The following ADAM23 variants were observed in gnomAD, a reference collection of about 807,000 sequenced individuals.
ADAM23 encodes the protein disintegrin and metalloproteinase domain-containing protein 23.
A neutral mutation model predicts 120.1 loss-of-function variants in ADAM23; 33 were observed. The observed-to-expected ratio is 0.27, with a 90% CI of 0.21 to 0.37. ADAM23 has a LOEUF of 0.37. Among genes scored for constraint, ADAM23 ranks in the 10% least tolerant of loss-of-function variants. The probability of loss-of-function intolerance (pLI) is 1.00; values close to 1 mark genes in which losing one functional copy is unlikely to be tolerated. For synonymous variants in ADAM23, 367 were observed against 375.2 expected (o/e 0.98, Z 0.25); for missense variants, 862 against 1,058.2 (o/e 0.81, Z 2.57).
intron 3 of ADAM23, among the ~76,000 whole-genome samples, chr2:206,493,900 G>A (rs1351096119): frequency 6.6e-6 from 1 of 152,172 alleles, no homozygotes; most frequent in Non-Finnish European, 1.5e-5. Context: ...GGATCTCACA[G>A]CATAAGAATA....
intron 9 of ADAM23, among the ~76,000 whole-genome samples, chr2:206,553,455 A>G (rs762807370): frequency 6.6e-6 from 1 of 152,106 alleles, no homozygotes; most frequent in Non-Finnish European, 1.5e-5. Flanking sequence ...GAAAGCTTTT[A>G]TTTTTGAGTG....
chr2:206,561,227 T>G lies in ADAM23; in HGVS notation c.1254+15T>G, dbSNP rs1468590458. ...GTGTGAATGAGGTAAATTTTACCAA[T>G]TAGAGTTTCATCTTTGCATCTGTTC... On this transcript the variant is annotated intron_variant, in intron 12 of 25. Coordinates refer to ENST00000264377, the MANE Select transcript of ADAM23 (RefSeq NM_003812.4). 1 of 1,606,292 alleles carries G rather than the reference T, an allele frequency of 6.2e-7. No homozygotes were observed. The highest frequency in any genetic ancestry group is 1.3e-5 in the African/African-American group (1 of 74,774).
At chr2:206,557,050 T>TA (rs2105818798) in intron 9 of ADAM23, among the ~76,000 whole-genome samples, 1 of 152,282 alleles carries the variant, frequency 6.6e-6, no homozygotes, top group African/African-American at 2.4e-5. Context: ...TCGATTTCTA[T>TA]AGGTCCTTAC....
intron 3 of ADAM23, among the ~76,000 whole-genome samples, chr2:206,508,072 C>T (rs1409256035): frequency 2.0e-5 from 3 of 152,156 alleles, no homozygotes; most frequent in Non-Finnish European, 4.4e-5. Flanking sequence ...CTCTGTTTCC[C>T]AGGCTGGAGT....
intron 18 of ADAM23, among the ~76,000 whole-genome samples, chr2:206,573,448 C>T (rs1476845528): frequency 6.6e-6 from 1 of 152,054 alleles, no homozygotes; most frequent in Non-Finnish European, 1.5e-5. Flanking sequence ...GTGCATTAAA[C>T]AAAGTTTCTG....
rs1695344213 is a variant in ADAM23, at chr2:206,458,412, C to G, written c.432+12888C>G. Among the ~76,000 whole-genome samples, 3 of 152,140 alleles carry G rather than the reference C, an allele frequency of 2.0e-5. No individual in the cohort carries two copies. The South Asian group carries it at 6.2e-4, about 32-fold the overall frequency. Reference sequence around the variant, plus strand: ...GCGAGGGGTGATTCTCAGGGTCTTTCTGGTTGTATGGCTGCAGATGAGCTT... The same window carrying G: ...GCGAGGGGTGATTCTCAGGGTCTTTGTGGTTGTATGGCTGCAGATGAGCTT... On this transcript the variant is annotated intron_variant, in intron 2 of 25. Coordinates refer to ENST00000264377, the MANE Select transcript of ADAM23 (RefSeq NM_003812.4).
chr2:206,455,653 C>T lies in ADAM23; in HGVS notation c.432+10129C>T, dbSNP rs968442431. Among the ~76,000 whole-genome samples, 6 of 152,338 alleles carry T rather than the reference C, an allele frequency of 3.9e-5. No homozygotes were observed. In the South Asian group the frequency reaches 1.2e-3, roughly 32 times the overall value. ...GCATATGGGCACATACTTTTAGAAG[C>T]AGCCAGGTCACATCTTGAATGCTTT... is the stretch of plus-strand genomic sequence containing the variant. On this transcript the variant is annotated intron_variant, in intron 2 of 25. Coordinates refer to ENST00000264377, the MANE Select transcript of ADAM23 (RefSeq NM_003812.4).
chr2:206,475,421 C>T (rs1485217713), intron 2 of ADAM23, among the ~76,000 whole-genome samples: 1 of 152,058 alleles, frequency 6.6e-6, no homozygotes. Flanking sequence ...TCTCTAGCTA[C>T]AGGATAGGTC....
chr2:206,444,627 A>C (rs568117352), intron 1 of ADAM23, among the ~76,000 whole-genome samples: 21 of 152,330 alleles, frequency 1.4e-4, no homozygotes, highest in African/African-American at 4.1e-4. Context: ...CATTATAATG[A>C]ACAATTAATA....
At chr2:206,613,245 G>A (rs1301085342) in intron 25 of ADAM23, among the ~76,000 whole-genome samples, 1 of 152,218 alleles carries the variant, frequency 6.6e-6, no homozygotes, top group Admixed American at 6.5e-5. Context: ...TTTTAGCAGA[G>A]ATGGGGTTTC....
Position 206,567,130 on chromosome 2 carries a change from T to A in ADAM23, c.1395-93T>A, listed in dbSNP as rs1012259508. 6.1e-6 allele frequency: 6 copies of A among 984,518 alleles called. No individual in the cohort carries two copies. In the Admixed American group the frequency reaches 1.3e-4, roughly 21 times the overall value. The allele number at this position is 984,518 out of a possible 1,614,324, so 61.0% of individuals were successfully genotyped here. On this transcript the variant is annotated intron_variant, in intron 14 of 25. Transcript: ENST00000264377. ...TGTGTAGATTCATTTGGATTCAAAG[T>A]GAACATTTTGTTCTAATTTAGGGGT...
chr2:206,543,777 G>A (rs1199692033), intron 6 of ADAM23, among the ~76,000 whole-genome samples: 8 of 151,598 alleles, frequency 5.3e-5, no homozygotes, highest in East Asian at 1.9e-4. Flanking sequence ...ACACGCACAC[G>A]CACCATGGAA....
chr2:206,488,445 T>A (rs1178558506), intron 3 of ADAM23, among the ~76,000 whole-genome samples: 1 of 152,184 alleles, frequency 6.6e-6, no homozygotes, highest in Admixed American at 6.5e-5. Context: ...TTGGGTCCCC[T>A]GGTAGCAGAC....
chr2:206,581,722 A>G (rs542955089), intron 18 of ADAM23, among the ~76,000 whole-genome samples: 1 of 152,260 alleles, frequency 6.6e-6, no homozygotes, highest in Non-Finnish European at 1.5e-5. Flanking sequence ...TGTTCTGTAT[A>G]TATCTGTTAA....
chr2:206,548,383 C>T, intron 8 of ADAM23, 29 bp downstream of exon 8: 2 of 1,594,412 alleles, frequency 1.3e-6, no homozygotes, highest in East Asian at 2.2e-5. Context: ...CTTGGGTGGG[C>T]CTATTTTACT....
intron 2 of ADAM23, among the ~76,000 whole-genome samples, chr2:206,467,926 C>G (rs1160022219): frequency 6.6e-6 from 1 of 152,190 alleles, no homozygotes; most frequent in Non-Finnish European, 1.5e-5. Context: ...AGTTTCATGG[C>G]TTGCACCCTC....
intron 3 of ADAM23, among the ~76,000 whole-genome samples, chr2:206,521,852 T>C (rs1696849869): frequency 6.6e-6 from 1 of 152,218 alleles, no homozygotes; most frequent in South Asian, 2.1e-4. Flanking sequence ...TTGATACCTA[T>C]TGCCAAATTG....
At chr2:206,479,264 A>G in intron 2 of ADAM23, among the ~76,000 whole-genome samples, 1 of 152,220 alleles carries the variant, frequency 6.6e-6, no homozygotes, top group East Asian at 1.9e-4. Flanking sequence ...TTATTTTGCA[A>G]GAGTGTTGTC....
rs546230830 is a variant in ADAM23 at position 206,540,492 on chromosome 2, C to T, written c.574-1560C>T. On this transcript the variant is annotated intron_variant, in intron 4 of 25. Transcript: ENST00000264377. ...ATATATATTTATCTCTGTTTTCTCC[C>T]GATAACCCACCTAAATAACAGTTAG... Among the ~76,000 whole-genome samples, 300 of 151,982 alleles carry T rather than the reference C, an allele frequency of 2.0e-3. 1 individual carries two copies. Among genetic ancestry groups the T allele is most frequent in the African/African-American group, 6.9e-3 (284 of 41,418 alleles).
Sources: allele counts gnomAD v4.1 joint callset (sites outside exome capture counted in the v4.1 genomes callset), GRCh38; gene constraint gnomAD v4.1.1; transcripts MANE v1.5; gene names NCBI Gene and HGNC (gene_info 2026-07-23, HGNC 2026-07-21).